The following SNX5 variants were observed in gnomAD, a reference collection of about 807,000 sequenced individuals.
SNX5 encodes sorting nexin-5.
Under a neutral mutation model 53.9 loss-of-function variants are expected in SNX5, and 31 were observed. That is an observed-to-expected ratio of 0.58 (90% CI 0.43 to 0.78). The LOEUF (loss-of-function observed/expected upper bound fraction) is 0.78. Ranked by LOEUF, SNX5 falls within the 30% of genes least tolerant of loss-of-function variation. The probability of loss-of-function intolerance (pLI) is 0.00; values close to 1 mark genes in which losing one functional copy is unlikely to be tolerated. For missense variants in SNX5, 471 were observed against 478.8 expected (o/e 0.98, Z 0.15); for synonymous variants, 168 against 171.1 (o/e 0.98, Z 0.14).
At chr20:17,946,845 G>A (rs1022122428) in intron 11 of SNX5, among the ~76,000 whole-genome samples, 3 of 152,118 alleles carry the variant, frequency 2.0e-5, no homozygotes, top group African/African-American at 7.2e-5. Context: ...CTATCTAATT[G>A]AGTAATCAAA....
Position 17,956,947 on chromosome 20 carries a change from T to C in SNX5, c.142A>G (p.Thr48Ala). ...ATGTTACTTACCTTTGTGTGCACTGTAAATTTGACTTTGTCTCTCTCACTG... is the reference window on the plus strand; with the variant it reads ...ATGTTACTTACCTTTGTGTGCACTGCAAATTTGACTTTGTCTCTCTCACTG... ...ALSERDKVKF[T>A]VHTKTTLPTF... Residue 48 changes from threonine (T) to alanine (A), a missense_variant, in exon 2 of 13, where the codon ACA becomes GCA. Coordinates refer to ENST00000377759, the MANE Select transcript of SNX5 (RefSeq NM_014426.4). 1 of 1,584,078 alleles carries C rather than the reference T, an allele frequency of 6.3e-7. No homozygotes were observed. Among genetic ancestry groups the C allele is most frequent in the Non-Finnish European group, 8.7e-7 (1 of 1,153,390 alleles).
rs2035369331 is a variant in SNX5 at position 17,956,825 on chromosome 20, C to T, written c.156+108G>A. 1.0e-5 allele frequency: 7 copies of T among 688,746 alleles called. No homozygotes were observed. In the South Asian group the frequency reaches 1.1e-4, roughly 11 times the overall value. The allele number at this position is 688,746 out of a possible 1,614,324, so 42.7% of individuals were successfully genotyped here. On this transcript the variant is annotated intron_variant, in intron 2 of 12. Coordinates refer to ENST00000377759, the MANE Select transcript of SNX5 (RefSeq NM_014426.4). Reference sequence around the variant, plus strand: ...GGGAGGTTCTCACTTAATAGTGCTACCCTACGAATAGCAACTGTTTCAAGC... The same window carrying T: ...GGGAGGTTCTCACTTAATAGTGCTATCCTACGAATAGCAACTGTTTCAAGC...
intron 12 of SNX5, chr20:17,942,864 C>T (rs946836618): frequency 9.9e-5 from 41 of 415,310 alleles, no homozygotes; most frequent in Non-Finnish European, 1.7e-4. Context: ...TCAAGTCCAG[C>T]CTGGCCAAAA....
chr20:17,957,929 G>C (rs1431580314), intron 1 of SNX5, among the ~76,000 whole-genome samples: 1 of 138,742 alleles, frequency 7.2e-6, no homozygotes, highest in Non-Finnish European at 1.5e-5. Context: ...GCATCACTCT[G>C]AATACTCAAT....
In SNX5 at chr20:17,951,613, CAA is replaced by C. The variant is rs2039569696; in HGVS notation, c.514-20_514-19del. 6.5e-7 allele frequency: 1 copy of C among 1,535,926 alleles called. No individual in the cohort carries two copies. ...ACACTTAGCTAAAAGAAGAAAATTC[CAA>C]AGAGTTTATATGGTATGGATTTTTC... On this transcript the variant is annotated intron_variant, in intron 5 of 12. Coordinates refer to ENST00000377759, the MANE Select transcript of SNX5 (RefSeq NM_014426.4).
At chr20:17,961,371 G>A (rs1008874278) in intron 1 of SNX5, 1 of 985,370 alleles carries the variant, frequency 1.0e-6, no homozygotes, top group Non-Finnish European at 1.2e-6. Context: ...GAACCCACCA[G>A]GAGAACAGAA....
rs369770913 is a variant in SNX5 at position 17,956,981 on chromosome 20, A to C, written c.108T>G (p.Pro36=). The change falls in exon 2 of 13, where the codon CCT becomes CCG. Residue 36 remains proline, a synonymous_variant. Transcript: ENST00000377759. ...NVDPSLQIDI[P]DALSERDKVK... The stretch of plus-strand genomic sequence containing the variant: ...CTTTGTCTCTCTCACTGAGCGCATC[A>C]GGTATGTCAATCTGAAGCGAGGGAT... 6.2e-7 allele frequency: 1 copy of C among 1,610,398 alleles called. No individual in the cohort carries two copies. Among genetic ancestry groups the C allele is most frequent in the Non-Finnish European group, 8.5e-7 (1 of 1,176,792 alleles).
At chr20:17,963,305 CCTT>C (rs1434098237) in intron 1 of SNX5, among the ~76,000 whole-genome samples, 2 of 151,948 alleles carry the variant, frequency 1.3e-5, no homozygotes, top group African/African-American at 2.4e-5. Flanking sequence ...CACAGCAAAG[CCTT>C]AAAAAAAATC....
At chr20:17,950,076 C>A in intron 8 of SNX5, 56 bp downstream of exon 8, 1 of 1,471,632 alleles carries the variant, frequency 6.8e-7, no homozygotes, top group Admixed American at 1.7e-5. Context: ...CTTTTAATTA[C>A]ACCACTCGGC....
chr20:17,947,370 G>A, intron 11 of SNX5, 116 bp downstream of exon 11: 2 of 1,092,694 alleles, frequency 1.8e-6, no homozygotes, highest in Admixed American at 4.8e-5. Flanking sequence ...GCAGAGGGGT[G>A]AAGTGCTGAC....
At chr20:17,944,337 A>G (rs953762985) in intron 11 of SNX5, 6 of 152,180 alleles carry the variant, frequency 3.9e-5, no homozygotes, top group African/African-American at 1.4e-4. Flanking sequence ...ACTGAAAAAA[A>G]TGAAAGATGT....
chr20:17,946,540 TG>T (rs1305634745), intron 11 of SNX5, among the ~76,000 whole-genome samples: 2 of 152,152 alleles, frequency 1.3e-5, no homozygotes, highest in Non-Finnish European at 2.9e-5. Flanking sequence ...TTTTAAAAAC[TG>T]GGAGTCCATG....
At position 17,956,923 on chromosome 20, in the gene SNX5, T is replaced by C. The variant is rs760806953; in HGVS notation, c.156+10A>G. On this transcript the variant is annotated intron_variant, in intron 2 of 12. Coordinates refer to ENST00000377759, the MANE Select transcript of SNX5 (RefSeq NM_014426.4). ...TAGCACTGTATGTATTACCACTGCA[T>C]GTTACTTACCTTTGTGTGCACTGTA... 105 of 1,407,082 alleles carry C rather than the reference T, an allele frequency of 7.5e-5. No individual in the cohort carries two copies. The highest frequency in any genetic ancestry group is 8.2e-5 in the Non-Finnish European group (81 of 992,420). The allele number at this position is 1,407,082 out of a possible 1,614,324, so 87.2% of individuals were successfully genotyped here. A position where few individuals can be genotyped will look rare whatever the true frequency, so the allele number is the denominator to read the frequency against.
Position 17,968,479 on chromosome 20 carries a change from TG to T in SNX5, c.-55del. On this transcript the variant is annotated 5_prime_UTR_variant, in exon 1 of 13. Transcript: ENST00000377759. The stretch of plus-strand genomic sequence containing the variant: ...CTGGCTGTGCGAGGAAAGAAGAAGC[TG>T]GGCCGCCGCCGCCGCCGCCTGGGCG... The T allele has an allele frequency of 8.2e-7, 1 of 1,219,780 alleles. No individual in the cohort carries two copies. Among genetic ancestry groups the T allele is most frequent in the Non-Finnish European group, 1.0e-6 (1 of 974,460 alleles). 75.6% of individuals were successfully genotyped at this position (1,219,780 alleles called of 1,614,324 possible).
chr20:17,967,766 G>C (rs944284828), intron 1 of SNX5: 8 of 290,862 alleles, frequency 2.8e-5, no homozygotes, highest in Non-Finnish European at 3.8e-5. Flanking sequence ...ACGTGACCTA[G>C]GGACAGTTTA....
chr20:17,966,271 G>A (rs1244114508), intron 1 of SNX5, among the ~76,000 whole-genome samples: 1 of 152,042 alleles, frequency 6.6e-6, no homozygotes, highest in Non-Finnish European at 1.5e-5. Context: ...TGTAATCCCA[G>A]CTACTTGAGA....
chr20:17,954,372 G>A lies in SNX5; in HGVS notation c.268-255C>T, dbSNP rs10485574. ...TTTATCCATTATAGACAATTGTTCA[G>A]AGCACAACAGTGTCTATACTGCTTC... On this transcript the variant is annotated intron_variant, in intron 3 of 12. Transcript: ENST00000377759. The A allele has an allele frequency of 5.2e-3, 2,044 of 389,584 alleles. 83 individuals are homozygous for A. The East Asian group carries it at 0.085, about 16-fold the overall frequency. The allele number at this position is 389,584 out of a possible 1,614,324, so 24.1% of individuals were successfully genotyped here. A position where few individuals can be genotyped will look rare whatever the true frequency, so the allele number is the denominator to read the frequency against.
At chr20:17,944,128 A>T (rs949533886) in intron 11 of SNX5, 1 of 152,204 alleles carries the variant, frequency 6.6e-6, no homozygotes, top group Non-Finnish European at 1.5e-5. Context: ...TTACAGGTAA[A>T]ATCTTAAGTT....
At chr20:17,955,326 C>T (rs2035334540) in intron 3 of SNX5, 39 bp downstream of exon 3, 5 of 1,449,030 alleles carry the variant, frequency 3.5e-6, no homozygotes, top group Non-Finnish European at 4.8e-6. Context: ...CATAGCAAGG[C>T]AGAAAGAACT....
Sources: allele counts gnomAD v4.1 joint callset (sites outside exome capture counted in the v4.1 genomes callset), GRCh38; gene constraint gnomAD v4.1.1; transcripts MANE v1.5; gene names NCBI Gene and HGNC (gene_info 2026-07-23, HGNC 2026-07-21).